The following ADK variants were observed in gnomAD, a reference collection of about 807,000 sequenced individuals.
ADK encodes the protein N6,N6-dimethyladenosine kinase.
ADK carries 24 observed loss-of-function variants against 44.7 expected under a neutral mutation model. The observed-to-expected ratio is 0.54, with a 90% confidence interval of 0.39 to 0.76. The LOEUF (loss-of-function observed/expected upper bound fraction) is 0.76, where lower values mean the gene tolerates loss of function less well. Ranked by LOEUF, ADK falls within the 30% of genes least tolerant of loss-of-function variation. ADK has a pLI of 0.00. For synonymous variants in ADK, 128 were observed against 142.6 expected, an observed-to-expected ratio of 0.90 and a Z score of 0.73; for missense variants, 321 against 425.1, an observed-to-expected ratio of 0.76 and a Z score of 2.15.
intron 3 of ADK, among the ~76,000 whole-genome samples, chr10:74,284,396 C>G (rs1179028567): frequency 4.7e-5 from 7 of 149,374 alleles, no homozygotes; most frequent in Non-Finnish European, 1.0e-4. Context: ...TCCCAAGTAG[C>G]TGGGATTACA....
At chr10:74,477,662 A>G (rs149088064) in intron 6 of ADK, among the ~76,000 whole-genome samples, 1 of 152,122 alleles carries the variant, frequency 6.6e-6, no homozygotes, top group Non-Finnish European at 1.5e-5. Context: ...CCTGGCTATA[A>G]AAGATGAGGA....
At chr10:74,633,722 A>G (rs1853520967) in intron 9 of ADK, among the ~76,000 whole-genome samples, 1 of 152,246 alleles carries the variant, frequency 6.6e-6, no homozygotes, top group Non-Finnish European at 1.5e-5. Context: ...ACACTGGAGA[A>G]GAATGAAAAT....
chr10:74,153,718 T>C (rs1277927531), intron 1 of ADK, among the ~76,000 whole-genome samples: 1 of 152,212 alleles, frequency 6.6e-6, no homozygotes, highest in Non-Finnish European at 1.5e-5. Context: ...AGAAACATTT[T>C]TGGGAACTGC....
At chr10:74,186,443 C>G (rs571485449) in intron 1 of ADK, among the ~76,000 whole-genome samples, 1 of 149,718 alleles carries the variant, frequency 6.7e-6, no homozygotes, top group South Asian at 2.2e-4. Context: ...CCACGCCTGG[C>G]TATTTTTTTT....
At chr10:74,162,226 G>A (rs948788524) in intron 1 of ADK, among the ~76,000 whole-genome samples, 2 of 151,876 alleles carry the variant, frequency 1.3e-5, no homozygotes, top group Non-Finnish European at 2.9e-5. Context: ...TCACCATGTT[G>A]GCCAGGCTGG....
At chr10:74,193,881 A>C (rs1843036118) in intron 1 of ADK, among the ~76,000 whole-genome samples, 1 of 152,182 alleles carries the variant, frequency 6.6e-6, no homozygotes, top group Non-Finnish European at 1.5e-5. Flanking sequence ...ATTTCAAAAA[A>C]ATCTTTACCC....
At chr10:74,277,709 T>A (rs1185015496) in intron 3 of ADK, among the ~76,000 whole-genome samples, 18 of 152,180 alleles carry the variant, frequency 1.2e-4, no homozygotes, top group Admixed American at 1.2e-3. Flanking sequence ...AAATTTCTTT[T>A]ATGGTTTCTT....
chr10:74,635,679 G>T (rs1417165315), intron 9 of ADK, among the ~76,000 whole-genome samples: 1 of 152,106 alleles, frequency 6.6e-6, no homozygotes, highest in Non-Finnish European at 1.5e-5. Context: ...TTGGCTGCAG[G>T]CTAGACTCAT....
At chr10:74,378,074 A>C (rs141847854) in intron 4 of ADK, among the ~76,000 whole-genome samples, 34 of 151,566 alleles carry the variant, frequency 2.2e-4, no homozygotes, top group Non-Finnish European at 4.1e-4. Context: ...TTAATCTATG[A>C]AATGGAGATC....
intron 9 of ADK, among the ~76,000 whole-genome samples, chr10:74,614,907 C>G (rs2134007851): frequency 6.6e-6 from 1 of 152,240 alleles, no homozygotes; most frequent in East Asian, 1.9e-4. Context: ...GTATAATAAC[C>G]TATGTATACT....
At chr10:74,371,614 G>A in intron 4 of ADK, 1 of 1,040,904 alleles carries the variant, frequency 9.6e-7, no homozygotes, top group Non-Finnish European at 1.5e-6. Context: ...TGCTTAGGTG[G>A]TACCAATCTT....
chr10:74,332,616 T>TGGGAAATG (rs1841258950), intron 4 of ADK, among the ~76,000 whole-genome samples: 1 of 152,192 alleles, frequency 6.6e-6, no homozygotes, highest in Non-Finnish European at 1.5e-5. Context: ...ACTGAAGACC[T>TGGGAAATG]AATTGAGAGT....
chr10:74,638,983 T>A (rs1197823217), intron 9 of ADK, among the ~76,000 whole-genome samples: 1 of 152,054 alleles, frequency 6.6e-6, no homozygotes, highest in Non-Finnish European at 1.5e-5. Flanking sequence ...AATTTTTAAA[T>A]TTTTTTGTAG....
chr10:74,200,281 C>T (rs932475526), intron 1 of ADK, among the ~76,000 whole-genome samples: 3 of 146,654 alleles, frequency 2.0e-5, no homozygotes, highest in Admixed American at 1.4e-4. Flanking sequence ...GTCAGGAGTT[C>T]GAGACCAGCC....
At chr10:74,172,148 T>C (rs1341531885) in intron 1 of ADK, among the ~76,000 whole-genome samples, 1 of 151,386 alleles carries the variant, frequency 6.6e-6, no homozygotes, top group African/African-American at 2.4e-5. Context: ...TTTTTTTTTT[T>C]TTTTTTTTAA....
At position 74,663,248 on chromosome 10, in the gene ADK, A is replaced by AATATATAT. The variant is rs199853152; in HGVS notation, c.878-6922_878-6915dup. On this transcript the variant is annotated intron_variant, in intron 9 of 10. Coordinates refer to ENST00000539909, the MANE Select transcript of ADK (RefSeq NM_006721.4). Reference sequence around the variant, plus strand: ...AGATGCTATCTCAAAAAAAAAAAATAATATATATATATATATATATGTATC... The same window carrying AATATATAT: ...AGATGCTATCTCAAAAAAAAAAAATAATATATATATATATATATATATATATATGTATC... Among the ~76,000 whole-genome samples the AATATATAT allele has an allele frequency of 7.7e-3, 1,082 of 140,826 alleles. 4 individuals carry two copies. Among genetic ancestry groups the AATATATAT allele is most frequent in the Non-Finnish European group, 0.01 (662 of 65,726 alleles). The allele number at this position is 140,826 out of a possible 152,430, so 92.4% of individuals were successfully genotyped here. A position where few individuals can be genotyped will look rare whatever the true frequency, so the allele number is the denominator to read the frequency against.
At chr10:74,199,419 C>A (rs1591840559) in intron 1 of ADK, among the ~76,000 whole-genome samples, 1 of 152,138 alleles carries the variant, frequency 6.6e-6, no homozygotes, top group East Asian at 1.9e-4. Flanking sequence ...GTTTAGCTTC[C>A]ACTTATAAGT....
intron 4 of ADK, among the ~76,000 whole-genome samples, chr10:74,322,660 A>G (rs577582427): frequency 2.6e-5 from 4 of 152,176 alleles, no homozygotes; most frequent in African/African-American, 9.6e-5. Flanking sequence ...CAGATTCTTT[A>G]AAGAAAAATC....
chr10:74,390,338 G>T (rs961153655), intron 4 of ADK, among the ~76,000 whole-genome samples: 2 of 151,986 alleles, frequency 1.3e-5, no homozygotes, highest in South Asian at 2.1e-4. Context: ...ATCCAAAATG[G>T]AATAAATTAA....
Sources: allele counts gnomAD v4.1 joint callset (sites outside exome capture counted in the v4.1 genomes callset), GRCh38; gene constraint gnomAD v4.1.1; transcripts MANE v1.5; gene names NCBI Gene and HGNC (gene_info 2026-07-23, HGNC 2026-07-21).